NIPSNAP2: variants seen among roughly 807,000 people sequenced by gnomAD.
NIPSNAP2 encodes the protein protein NipSnap homolog 2.
NIPSNAP2 carries 42 observed loss-of-function variants against 48.4 expected under a neutral mutation model. The ratio of observed to expected loss-of-function variants is 0.87; its 90% confidence interval spans 0.68 to 1.12. NIPSNAP2 has a LOEUF of 1.12. Ranked by LOEUF, NIPSNAP2 falls within the 50% of genes most tolerant of loss-of-function variation. The probability of loss-of-function intolerance (pLI) is 0.00; values close to 1 mark genes in which losing one functional copy is unlikely to be tolerated. For missense variants in NIPSNAP2, 314 were observed against 347.3 expected, an observed-to-expected ratio of 0.90 and a Z score of 0.76; for synonymous variants, 158 against 126.6, an observed-to-expected ratio of 1.25 and a Z score of -1.67.
At chr7:55,993,596 C>G (rs1439665168) in intron 7 of NIPSNAP2, among the ~76,000 whole-genome samples, 1 of 146,440 alleles carries the variant, frequency 6.8e-6, no homozygotes, top group Non-Finnish European at 1.5e-5. Context: ...AAAAAAAAGC[C>G]GAGCGTGATG....
chr7:55,990,789 TTC>T (rs1381900929), intron 7 of NIPSNAP2, among the ~76,000 whole-genome samples: 1 of 150,826 alleles, frequency 6.6e-6, no homozygotes, highest in African/African-American at 2.4e-5. Flanking sequence ...TTTTTTCTTT[TTC>T]TTTTTTTTTT....
chr7:55,995,990 T>C (rs555014650), intron 8 of NIPSNAP2, among the ~76,000 whole-genome samples: 1 of 151,996 alleles, frequency 6.6e-6, no homozygotes, highest in East Asian at 1.9e-4. Context: ...AAAAAAAATG[T>C]AATTAACAAG....
rs1041455778 is a variant in NIPSNAP2, at chr7:55,999,255, C to G, written c.*183C>G. ...AAGAAAGGAAAGAATTACAGTTGGA[C>G]TGATTGTGACAGTGCCTTGTCGTCC... On this transcript the variant is annotated 3_prime_UTR_variant, in exon 10 of 10. Transcript: ENST00000322090. 8.1e-5 allele frequency: 49 copies of G among 605,652 alleles called. No individual in the cohort carries two copies. In the Admixed American group the frequency reaches 1.4e-3, roughly 17 times the overall value. The allele number at this position is 605,652 out of a possible 1,614,324, so 37.5% of individuals were successfully genotyped here.
chr7:55,974,074 G>A (rs1473174311), intron 1 of NIPSNAP2, among the ~76,000 whole-genome samples: 1 of 151,700 alleles, frequency 6.6e-6, no homozygotes, highest in Non-Finnish European at 1.5e-5. Flanking sequence ...AAAATACAAA[G>A]ATTAGCCGGA....
rs1325771851 is a variant in NIPSNAP2 at position 55,980,019 on chromosome 7, CAT to C, written c.279-1453_279-1452del. ...GCCCCTTTCTGGACCCCACCTGAAT[CAT>C]GTGTACTGGGCTTCCTCCTGGGCAC... On this transcript the variant is annotated intron_variant, in intron 3 of 9. Transcript: ENST00000322090. The C allele has an allele frequency of 1.2e-4, 43 of 367,816 alleles. 1 individual carries two copies. The highest frequency in any genetic ancestry group is 5.9e-4 in the Admixed American group (17 of 28,834). 22.8% of individuals were successfully genotyped at this position (367,816 alleles called of 1,614,324 possible).
intron 7 of NIPSNAP2, among the ~76,000 whole-genome samples, chr7:55,992,890 T>C (rs768100786): frequency 1.2e-4 from 19 of 152,170 alleles, no homozygotes; most frequent in Non-Finnish European, 2.5e-4. Context: ...GCCCCTTCCT[T>C]TTCACCTTTG....
Position 55,995,124 on chromosome 7 carries a change from G to A in NIPSNAP2, c.712+136G>A, listed in dbSNP as rs950108957. ...GACGTCACAGAGGGACAGTCTGTAC[G>A]GGGCTGTCTGGAACTAGCGAGGTCA... On this transcript the variant is annotated intron_variant, in intron 8 of 9. Transcript: ENST00000322090. 4.5e-5 allele frequency: 32 copies of A among 704,350 alleles called. No individual in the cohort carries two copies. In the Admixed American group the frequency reaches 6.7e-4, roughly 15 times the overall value. The allele number at this position is 704,350 out of a possible 1,614,324, so 43.6% of individuals were successfully genotyped here. A position where few individuals can be genotyped will look rare whatever the true frequency, so the allele number is the denominator to read the frequency against.
rs1316210782 is a variant in NIPSNAP2, at chr7:55,964,615, G to A, written c.6G>A (p.Ala2=). The change falls in exon 1 of 10, where the codon GCG becomes GCA. Residue 2 remains alanine, a synonymous_variant. Transcript: ENST00000322090. The part of the protein sequence containing the change: M[A]ARVLRARGAA... ...GAGCCGAGGCGCCGAGCAAGATGGC[G>A]GCGCGAGTGCTGCGCGCCCGCGGAG... 3 of 1,039,564 alleles carry A rather than the reference G, an allele frequency of 2.9e-6. No individual in the cohort carries two copies. Among genetic ancestry groups the A allele is most frequent in the African/African-American group, 1.7e-5 (1 of 58,140 alleles). 64.4% of individuals were successfully genotyped at this position (1,039,564 alleles called of 1,614,324 possible). A position where few individuals can be genotyped will look rare whatever the true frequency, so the allele number is the denominator to read the frequency against.
intron 7 of NIPSNAP2, among the ~76,000 whole-genome samples, chr7:55,991,170 A>G (rs1207620279): frequency 1.3e-5 from 2 of 152,152 alleles, no homozygotes; most frequent in South Asian, 4.1e-4. Flanking sequence ...TCTCCAACAA[A>G]TAGTTCTGTG....
intron 5 of NIPSNAP2, among the ~76,000 whole-genome samples, chr7:55,983,030 C>T (rs1168437524): frequency 6.6e-6 from 1 of 151,868 alleles, no homozygotes; most frequent in East Asian, 1.9e-4. Context: ...GGCTGAGGCA[C>T]GAGAATTGCT....
chr7:55,994,712 CAAAT>C (rs1332536429), intron 7 of NIPSNAP2, among the ~76,000 whole-genome samples, 178 bp from the exon 8 acceptor site: 2 of 152,042 alleles, frequency 1.3e-5, no homozygotes, highest in South Asian at 4.1e-4. Flanking sequence ...GACTCCGTCT[CAAAT>C]AATAATAAAG....
intron 7 of NIPSNAP2, among the ~76,000 whole-genome samples, chr7:55,989,787 T>TA (rs1321975698): frequency 1.3e-5 from 2 of 152,118 alleles, no homozygotes; most frequent in African/African-American, 2.4e-5. Context: ...TCTCCATACT[T>TA]ACTTCATTAT....
chr7:55,978,596 T>A (rs1787151173), intron 3 of NIPSNAP2: 5 of 571,622 alleles, frequency 8.7e-6, no homozygotes, highest in Non-Finnish European at 1.5e-5. Flanking sequence ...TAAATCATCA[T>A]ATAGGCTATC....
chr7:55,968,417 G>T (rs1334318465), intron 1 of NIPSNAP2, among the ~76,000 whole-genome samples: 1 of 144,532 alleles, frequency 6.9e-6, no homozygotes, highest in Non-Finnish European at 1.5e-5. Context: ...ACAGAGTCTC[G>T]CTCTGTCACC....
chr7:56,000,036 G>GT lies in NIPSNAP2; in HGVS notation c.*966dup, dbSNP rs1477268278. On this transcript the variant is annotated 3_prime_UTR_variant, in exon 10 of 10. Transcript: ENST00000322090. ...GTGACTGTTACCATGTGAAAGTCCT[G>GT]TTGAAATGAACAATTGTCTGCCCCA... The GT allele has an allele frequency of 2.6e-5, 4 of 152,562 alleles. No homozygotes were observed. Among genetic ancestry groups the GT allele is most frequent in the African/African-American group, 9.7e-5 (4 of 41,420 alleles). 9.5% of individuals were successfully genotyped at this position (152,562 alleles called of 1,614,324 possible).
At chr7:55,986,197 A>G (rs1787327437) in intron 7 of NIPSNAP2, among the ~76,000 whole-genome samples, 2 of 150,846 alleles carry the variant, frequency 1.3e-5, no homozygotes, top group Non-Finnish European at 3.0e-5. Context: ...CGAAACCCCA[A>G]CTCTACAAAA....
intron 7 of NIPSNAP2, among the ~76,000 whole-genome samples, chr7:55,986,539 G>C (rs560247038): frequency 6.6e-6 from 1 of 152,074 alleles, no homozygotes; most frequent in Admixed American, 6.6e-5. Context: ...GTGTGCACCT[G>C]TAGTTCCAGC....
intron 1 of NIPSNAP2, among the ~76,000 whole-genome samples, chr7:55,969,908 G>T (rs1396907977): frequency 3.3e-5 from 5 of 150,874 alleles, no homozygotes. Flanking sequence ...GCGTGAACCC[G>T]GGAGGCGGAA....
Position 55,969,810 on chromosome 7 carries a change from T to C in NIPSNAP2, c.92+5109T>C, listed in dbSNP as rs375858829. Among the ~76,000 whole-genome samples the C allele has an allele frequency of 2.7e-3, 412 of 151,868 alleles. 1 individual carries two copies. Among genetic ancestry groups the C allele is most frequent in the East Asian group, 8.4e-3 (43 of 5,126 alleles). The stretch of plus-strand genomic sequence containing the variant: ...CATCCTGGCTAACATGGTGAAACCC[T>C]GTCTCTACTAAAAATACAAAAAATT... On this transcript the variant is annotated intron_variant, in intron 1 of 9. Transcript: ENST00000322090.
Sources: gnomAD v4.1 joint callset for allele counts (sites outside exome capture counted in the v4.1 genomes callset) on GRCh38, gnomAD v4.1.1 for gene constraint, MANE v1.5 for transcripts, NCBI Gene and HGNC (gene_info 2026-07-23, HGNC 2026-07-21) for gene names.